STARD9: variants seen among roughly 807,000 people sequenced by gnomAD.
STARD9 encodes stAR-related lipid transfer protein 9.
In STARD9, 346 loss-of-function variants were observed where a neutral mutation model predicts 399.8. That is an observed-to-expected ratio of 0.87 (90% CI 0.79 to 0.95). The LOEUF (loss-of-function observed/expected upper bound fraction) is 0.95. Ranked by LOEUF, STARD9 falls within the 40% of genes least tolerant of loss-of-function variation. The pLI is 0.00. For synonymous variants in STARD9, 2,203 were observed against 2,143.5 expected (o/e 1.03, Z -0.77); for missense variants, 5,832 against 5,667.5 (o/e 1.03, Z -0.93).
chr15:42,712,542 A>G (rs1247888378), intron 26 of STARD9, among the ~76,000 whole-genome samples: 2 of 152,144 alleles, frequency 1.3e-5, no homozygotes. Flanking sequence ...ATGGATATCC[A>G]GTTCTCCCAA....
chr15:42,681,488 G>A lies in STARD9; in HGVS notation c.1941G>A (p.Arg647=). 6.5e-7 allele frequency: 1 copy of A among 1,537,172 alleles called. No homozygotes were observed. Among genetic ancestry groups the A allele is most frequent in the Non-Finnish European group, 8.7e-7 (1 of 1,146,884 alleles). ...QTPRDGETSH[R]AQIQQQQSYV... is the part of the protein sequence containing the mutation. The stretch of plus-strand genomic sequence containing the variant: ...CGAGGGATGGAGAGACATCCCACAG[G>A]GCCCAGATTCAGCAGCAGCAGAGCT... Residue 647 remains arginine, a synonymous_variant, in exon 21 of 33, where the codon AGG becomes AGA. Transcript: ENST00000290607.
intron 3 of STARD9, among the ~76,000 whole-genome samples, chr15:42,625,655 T>TCTTTA (rs1555393105): frequency 6.6e-6 from 1 of 150,862 alleles, no homozygotes; most frequent in Non-Finnish European, 1.5e-5. Flanking sequence ...CTATTTTTTT[T>TCTTTA]TTTTTTTAGG....
In STARD9 at chr15:42,686,622, C is replaced by T. The variant is rs768598706; in HGVS notation, c.5044C>T (p.Gln1682Ter). 7 of 1,537,154 alleles carry T rather than the reference C, an allele frequency of 4.6e-6. No individual in the cohort carries two copies. Among genetic ancestry groups the T allele is most frequent in the Non-Finnish European group, 6.1e-6 (7 of 1,146,954 alleles). Residue 1682 changes from glutamine to a stop codon, truncating the protein, a stop_gained, in exon 23 of 33, where the codon CAG becomes TAG. Transcript: ENST00000290607. LOFTEE classifies it high-confidence loss of function. ...WAPLRKNSAV[Q>*]PGQLSPDSHY... ...TCCTCTCAGGAAAAATAGTGCAGTC[C>T]AGCCAGGGCAATTAAGTCCCGACAG...
Position 42,663,363 on chromosome 15 carries a change from T to A in STARD9, c.951T>A (p.Ser317=). 2.0e-6 allele frequency: 3 copies of A among 1,537,308 alleles called. No individual in the cohort carries two copies. Among genetic ancestry groups the A allele is most frequent in the Non-Finnish European group, 1.7e-6 (2 of 1,146,912 alleles). Residue 317 remains serine (S), a synonymous_variant, in exon 12 of 33, where the codon TCT becomes TCA. Transcript: ENST00000290607. The part of the protein sequence containing the change: ...SNGGDSGILS[S]PSGTSSGGAP... ...GTGGTGACAGTGGGATCCTTAGCTC[T>A]CCTTCTGGGACCAGCAGTGGAGGGG...
chr15:42,692,859 C>T lies in STARD9; in HGVS notation c.11281C>T (p.Leu3761Phe), dbSNP rs780911612. The T allele has an allele frequency of 1.7e-4, 268 of 1,537,228 alleles. 1 individual carries two copies. The highest frequency in any genetic ancestry group is 2.2e-4 in the Non-Finnish European group (248 of 1,146,904). The change falls in exon 23 of 33, where the codon CTT becomes TTT. Residue 3761 changes from leucine to phenylalanine, a missense_variant. Leu to Phe is a conservative substitution (Grantham distance 22). Transcript: ENST00000290607. ...EAEPQGANVI[L>F]EGLGSDTSTV... is the part of the protein sequence containing the mutation. ...TGAACCTCAGGGAGCCAATGTGATCCTTGAAGGGCTAGGCTCAGATACCTC... is the reference window on the plus strand; with the variant it reads ...TGAACCTCAGGGAGCCAATGTGATCTTTGAAGGGCTAGGCTCAGATACCTC...
rs1214080079 is a variant in STARD9, at chr15:42,692,029, A to G, written c.10451A>G (p.Lys3484Arg). The G allele has an allele frequency of 6.5e-7, 1 of 1,537,262 alleles. No individual in the cohort carries two copies. Among genetic ancestry groups the G allele is most frequent in the East Asian group, 2.4e-5 (1 of 40,924 alleles). The change falls in exon 23 of 33, where the codon AAG (lysine) becomes AGG (arginine). Residue 3484 changes from lysine to arginine, a missense_variant. Coordinates refer to ENST00000290607, the MANE Select transcript of STARD9 (RefSeq NM_020759.3). Reference protein sequence around the residue: ...RPEEPARISWKQYMSGSAVDV... With the variant: ...RPEEPARISWRQYMSGSAVDV... ...GAGGAGCCTGCACGTATCAGCTGGA[A>G]GCAGTATATGTCTGGCAGTGCAGTC...
chr15:42,620,441 A>G (rs1435409097), intron 3 of STARD9, among the ~76,000 whole-genome samples: 1 of 151,928 alleles, frequency 6.6e-6, no homozygotes, highest in South Asian at 2.1e-4. Context: ...TGATCACACC[A>G]CTTCATTCCA....
chr15:42,685,223 G>A lies in STARD9; in HGVS notation c.3645G>A (p.Gly1215=). The A allele has an allele frequency of 2.0e-6, 3 of 1,537,248 alleles. No individual in the cohort carries two copies. The highest frequency in any genetic ancestry group is 2.6e-6 in the Non-Finnish European group (3 of 1,146,944). The change falls in exon 23 of 33, where the codon GGG becomes GGA. Residue 1215 remains glycine (G), a synonymous_variant. Coordinates refer to ENST00000290607, the MANE Select transcript of STARD9 (RefSeq NM_020759.3). Reference sequence around the variant, plus strand: ...TGATTGATGCAGAGGAAGAACTGGGGGAAGATCAGCAAGAAGAACCTTTCC... The same window carrying A: ...TGATTGATGCAGAGGAAGAACTGGGAGAAGATCAGCAAGAAGAACCTTTCC... ...DSLIDAEEEL[G]EDQQEEPFPG...
chr15:42,626,873 G>C (rs1027529634), intron 3 of STARD9, among the ~76,000 whole-genome samples: 1 of 150,444 alleles, frequency 6.6e-6, no homozygotes, highest in Non-Finnish European at 1.5e-5. Flanking sequence ...TCAAGACAGC[G>C]TCTCTCTCTG....
At chr15:42,603,397 GAGCCACCATGCC>G (rs2058668270) in intron 3 of STARD9, among the ~76,000 whole-genome samples, 1 of 152,110 alleles carries the variant, frequency 6.6e-6, no homozygotes, top group Non-Finnish European at 1.5e-5. Context: ...TTACAGGCAT[GAGCCACCATGCC>G]AGCCAAAAAT....
intron 16 of STARD9, chr15:42,671,065 T>C (rs1262199992): frequency 6.6e-6 from 1 of 151,734 alleles, no homozygotes; most frequent in Non-Finnish European, 1.5e-5. Flanking sequence ...AGGACATGAC[T>C]ATTAGATTGA....
In STARD9 at chr15:42,652,552, G is replaced by A; in HGVS notation, c.662G>A (p.Ser221Asn). ...GCAGCCACCCATGTTCATGAGGCCA[G>A]CAGCAGATCCCACGCCATTTTCACG... ...ITAATHVHEA[S>N]SRSHAIFTIH... Residue 221 changes from serine to asparagine, a missense_variant, in exon 9 of 33, where the codon AGC becomes AAC. Ser to Asn is a conservative substitution (Grantham distance 46). Around this residue, in one of 2 missense-constraint regions of STARD9, gnomAD observed 5,828 missense variants for 5,651.1 expected, o/e 1.03. Coordinates refer to ENST00000290607, the MANE Select transcript of STARD9 (RefSeq NM_020759.3). 6.5e-7 allele frequency: 1 copy of A among 1,537,516 alleles called. No homozygotes were observed. The highest frequency in any genetic ancestry group is 8.7e-7 in the Non-Finnish European group (1 of 1,146,972).
chr15:42,641,668 G>A (rs1017665194), intron 7 of STARD9, among the ~76,000 whole-genome samples: 5 of 151,464 alleles, frequency 3.3e-5, no homozygotes, highest in Non-Finnish European at 7.4e-5. Flanking sequence ...GCAATGGCGC[G>A]ATCTCGGCTC....
intron 28 of STARD9, 97 bp from the exon 29 acceptor site, chr15:42,717,629 AAAAAG>A (rs1367138385): frequency 7.4e-6 from 8 of 1,082,530 alleles, no homozygotes; most frequent in South Asian, 1.3e-5. Flanking sequence ...TGTCTCAAAA[AAAAAG>A]AAAAGGGGAA....
rs998843052 is a variant in STARD9, at chr15:42,651,011, G to T, written c.560-5G>T. 6.6e-7 allele frequency: 1 copy of T among 1,511,418 alleles called. No individual in the cohort carries two copies. The highest frequency in any genetic ancestry group is 2.5e-5 in the East Asian group (1 of 40,396). 93.6% of individuals were successfully genotyped at this position (1,511,418 alleles called of 1,614,324 possible). On this transcript the variant is annotated splice_polypyrimidine_tract_variant and splice_region_variant and intron_variant, in intron 7 of 32. Coordinates refer to ENST00000290607, the MANE Select transcript of STARD9 (RefSeq NM_020759.3). ...TTTCTTTTTTCCGTTTCACAAATCC[G>T]ATAGGTTTATCTCAACATGTAGTTA...
intron 16 of STARD9, chr15:42,673,002 G>A: frequency 6.5e-6 from 1 of 152,678 alleles, no homozygotes; most frequent in Non-Finnish European, 1.5e-5. Context: ...GAAGGCTGAG[G>A]CAGGAGAATC....
In STARD9 at chr15:42,691,879, A is replaced by C; in HGVS notation, c.10301A>C (p.Gln3434Pro). The change falls in exon 23 of 33, where the codon CAA (glutamine) becomes CCA (proline). Residue 3434 changes from glutamine (Q) to proline (P), a missense_variant. Gln to Pro is a moderately conservative substitution (Grantham distance 76). Transcript: ENST00000290607. Reference protein sequence around the residue: ...SWMSGTLEQAQQGKREKLGVQ... With the variant: ...SWMSGTLEQAPQGKREKLGVQ... ...ATGTCTGGTACTTTGGAACAAGCCC[A>C]ACAGGGAAAGCGAGAGAAACTGGGT... The C allele has an allele frequency of 1.3e-6, 2 of 1,537,290 alleles. No homozygotes were observed. Among genetic ancestry groups the C allele is most frequent in the Middle Eastern group, 1.7e-4 (1 of 5,990 alleles).
chr15:42,686,229 C>T lies in STARD9; in HGVS notation c.4651C>T (p.Leu1551=), dbSNP rs2060553347. 1 of 1,537,628 alleles carries T rather than the reference C, an allele frequency of 6.5e-7. No individual in the cohort carries two copies. Among genetic ancestry groups the T allele is most frequent in the African/African-American group, 1.4e-5 (1 of 73,056 alleles). The change falls in exon 23 of 33, where the codon CTG becomes TTG. Residue 1551 remains leucine, a synonymous_variant. Transcript: ENST00000290607. ...NLNLNNFPVH[L]SRIRRLRAEK... ...GAATCTCAACAACTTTCCAGTCCAT[C>T]TGTCCAGAATCAGGCGTTTGAGGGC...
chr15:42,687,951 T>G lies in STARD9; in HGVS notation c.6373T>G (p.Phe2125Val). 2.0e-6 allele frequency: 3 copies of G among 1,537,350 alleles called. No homozygotes were observed. The highest frequency in any genetic ancestry group is 2.6e-6 in the Non-Finnish European group (3 of 1,146,950). Residue 2125 changes from phenylalanine (F) to valine (V), a missense_variant, in exon 23 of 33, where the codon TTT becomes GTT. Physicochemically the swap from Phe to Val is conservative, Grantham distance 50. Around this residue, in one of 2 missense-constraint regions of STARD9, gnomAD observed 5,828 missense variants for 5,651.1 expected, o/e 1.03. Transcript: ENST00000290607. ...TCCAAGACAGACAGATGATACTGTCTTTAGGGATAGTGAAGCTGGAGCGAT... is the reference window on the plus strand; with the variant it reads ...TCCAAGACAGACAGATGATACTGTCGTTAGGGATAGTGAAGCTGGAGCGAT... ...SSPRQTDDTVFRDSEAGAMEV... is the reference protein window; with the variant it reads ...SSPRQTDDTVVRDSEAGAMEV...
Sources: gnomAD v4.1 joint callset for allele counts (sites outside exome capture counted in the v4.1 genomes callset) on GRCh38, gnomAD v4.1.1 for gene constraint, gnomAD v4.1.1 regional missense constraint, MANE v1.5 for transcripts, NCBI Gene and HGNC (gene_info 2026-07-23, HGNC 2026-07-21) for gene names.